The following XPNPEP3 variants were observed in gnomAD, a reference collection of about 807,000 sequenced individuals.
XPNPEP3 encodes the protein X-prolyl aminopeptidase 3.
XPNPEP3 carries 41 observed loss-of-function variants against 60.0 expected under a neutral mutation model. The observed-to-expected ratio is 0.68, with a 90% CI of 0.53 to 0.89. The LOEUF (loss-of-function observed/expected upper bound fraction) is 0.89. Ranked by LOEUF, XPNPEP3 falls within the 40% of genes least tolerant of loss-of-function variation. The pLI is 0.00. For missense variants in XPNPEP3, 598 were observed against 638.9 expected (o/e 0.94, Z 0.69); for synonymous variants, 212 against 223.2 (o/e 0.95, Z 0.45).
rs532699453 is a variant in XPNPEP3, at chr22:40,866,488, C to CT, written c.65-2510dup. On this transcript the variant is annotated intron_variant, in intron 1 of 9. Transcript: ENST00000357137. Reference sequence around the variant, plus strand: ...ATAAGCAGGCAGTGTCCACTTTAGACTAAGAGAACTATATTTTTTAATGCA... The same window carrying CT: ...ATAAGCAGGCAGTGTCCACTTTAGACTTAAGAGAACTATATTTTTTAATGCA... Among the ~76,000 whole-genome samples the CT allele has an allele frequency of 1.2e-3, 189 of 152,118 alleles. 2 individuals are homozygous for CT. The highest frequency in any genetic ancestry group is 4.5e-3 in the African/African-American group (186 of 41,484).
At chr22:40,886,751 C>T (rs948463417) in intron 4 of XPNPEP3, among the ~76,000 whole-genome samples, 1 of 147,190 alleles carries the variant, frequency 6.8e-6, no homozygotes, top group African/African-American at 2.5e-5. Flanking sequence ...GGTGTGAACC[C>T]GGGAGGCAGA....
chr22:40,910,234 C>T (rs2058172309), intron 6 of XPNPEP3, among the ~76,000 whole-genome samples: 1 of 152,134 alleles, frequency 6.6e-6, no homozygotes, highest in African/African-American at 2.4e-5. Context: ...TCCCATCCCA[C>T]TTCCTCCCTC....
intron 1 of XPNPEP3, chr22:40,861,907 A>C: frequency 6.2e-7 from 1 of 1,613,872 alleles, no homozygotes. Context: ...TCAGGGTGCC[A>C]TTTAAGTGCC....
chr22:40,869,083 G>A lies in XPNPEP3; in HGVS notation c.149G>A (p.Ser50Asn), dbSNP rs748610440. 14 of 1,614,014 alleles carry A rather than the reference G, an allele frequency of 8.7e-6. No individual in the cohort carries two copies. In the South Asian group the frequency reaches 1.5e-4, roughly 18 times the overall value. The change falls in exon 2 of 10, where the codon AGC (serine) becomes AAC (asparagine). Residue 50 changes from serine (S) to asparagine (N), a missense_variant. Physicochemically the swap from Ser to Asn is conservative, Grantham distance 46. Transcript: ENST00000357137. Reference protein sequence around the residue: ...RIPNRYLGQPSPFTHPHLLRP... With the variant: ...RIPNRYLGQPNPFTHPHLLRP... ...CCAAACCGATACTTAGGCCAGCCCA[G>A]CCCCTTTACACACCCACACCTCCTC...
intron 2 of XPNPEP3, among the ~76,000 whole-genome samples, chr22:40,881,310 A>C (rs2058047203): frequency 6.6e-6 from 1 of 151,552 alleles, no homozygotes; most frequent in Admixed American, 6.6e-5. Flanking sequence ...TGGCCTCCCA[A>C]AGTGCTGGGA....
intron 1 of XPNPEP3, chr22:40,861,978 T>G: frequency 6.3e-7 from 1 of 1,596,954 alleles, no homozygotes. Flanking sequence ...TCCTAGAACT[T>G]CATAGTAATC....
intron 2 of XPNPEP3, among the ~76,000 whole-genome samples, chr22:40,876,587 C>A (rs934741380): frequency 6.6e-6 from 1 of 152,166 alleles, no homozygotes; most frequent in Admixed American, 6.5e-5. Context: ...TTCCAACTCA[C>A]AAAAACCTAA....
chr22:40,857,355 C>A, intron 1 of XPNPEP3, 110 bp downstream of exon 1: 1 of 1,206,926 alleles, frequency 8.3e-7, no homozygotes, highest in South Asian at 1.3e-5. Context: ...GGCCTCCGCT[C>A]CCCAACCCTC....
intron 3 of XPNPEP3, 123 bp from the exon 4 acceptor site, chr22:40,886,190 C>G: frequency 1.1e-6 from 1 of 943,612 alleles, no homozygotes; most frequent in Non-Finnish European, 1.7e-6. Context: ...TAAGTCTCAA[C>G]ACTTTAGAGT....
At chr22:40,915,059 T>TTG (rs1555891264) in intron 7 of XPNPEP3, among the ~76,000 whole-genome samples, 1 of 149,022 alleles carries the variant, frequency 6.7e-6, no homozygotes, top group Non-Finnish European at 1.5e-5. Context: ...TCTTTTTTTT[T>TTG]TTTTTTTTTT....
At chr22:40,905,086 AT>A (rs1168022719) in intron 4 of XPNPEP3, among the ~76,000 whole-genome samples, 11 of 115,334 alleles carry the variant, frequency 9.5e-5, no homozygotes, top group Admixed American at 1.7e-4. Context: ...TTTTTTTTTA[AT>A]TTTTTTTTTG....
rs1443668004 is a variant in XPNPEP3 at position 40,917,304 on chromosome 22, A to T, written c.1055+2980A>T. On this transcript the variant is annotated intron_variant, in intron 7 of 9. Coordinates refer to ENST00000357137, the MANE Select transcript of XPNPEP3 (RefSeq NM_022098.4). ...AGAAACAGAGCAGGTCACAACTCTCATACTGATCAGTAATGGGAACAAGCT... is the reference window on the plus strand; with the variant it reads ...AGAAACAGAGCAGGTCACAACTCTCTTACTGATCAGTAATGGGAACAAGCT... 1.3e-5 allele frequency: 2 copies of T among 152,122 alleles called. 1 individual carries two copies. Among genetic ancestry groups the T allele is most frequent in the East Asian group, 3.9e-4 (2 of 5,190 alleles). The allele number at this position is 152,122 out of a possible 1,614,324, so 9.4% of individuals were successfully genotyped here.
chr22:40,898,225 A>ATTTTTTTTTTTTTTTTTTTTTTTT (rs71200626), intron 4 of XPNPEP3, among the ~76,000 whole-genome samples: 1 of 28,784 alleles, frequency 3.5e-5, no homozygotes, highest in Non-Finnish European at 6.2e-5. Context: ...TCTTTGACCC[A>ATTTTTTTTTTTTTTTTTTTTTTTT]TTTTTTTTTT....
intron 2 of XPNPEP3, 107 bp from the exon 3 acceptor site, chr22:40,881,663 G>A: frequency 7.6e-7 from 1 of 1,307,560 alleles, no homozygotes. Context: ...AGGAGATTTG[G>A]CATAAATTGA....
In XPNPEP3 at chr22:40,905,692, A is replaced by C. The variant is rs149088474; in HGVS notation, c.793-1895A>C. ...ATTTGAGGAAAGATTTGAATGAAGA[A>C]AGGGAGCAAACCATGTAAATATTCC... is the stretch of plus-strand genomic sequence containing the variant. On this transcript the variant is annotated intron_variant, in intron 4 of 9. Coordinates refer to ENST00000357137, the MANE Select transcript of XPNPEP3 (RefSeq NM_022098.4). 2.3e-3 allele frequency among the ~76,000 whole-genome samples: 357 copies of C among 152,312 alleles called. 1 individual carries two copies. The highest frequency in any genetic ancestry group is 0.018 in the South Asian group (87 of 4,828).
In XPNPEP3 at chr22:40,932,517, GGTTGTGCTGCT is replaced by G. The variant is rs2058258335; in HGVS notation, c.*6086_*6096del. 1 of 152,114 alleles carries G rather than the reference GGTTGTGCTGCT, an allele frequency of 6.6e-6. No homozygotes were observed. Among genetic ancestry groups the G allele is most frequent in the African/African-American group, 2.4e-5 (1 of 41,418 alleles). The allele number at this position is 152,114 out of a possible 1,614,324, so 9.4% of individuals were successfully genotyped here. A position where few individuals can be genotyped will look rare whatever the true frequency, so the allele number is the denominator to read the frequency against. ...TGTTACAAACCACATGGGTTCTCCT[GGTTGTGCTGCT>G]GTTCTCTACCTGTGTGTCACTGAGT... is the stretch of plus-strand genomic sequence containing the variant. On this transcript the variant is annotated 3_prime_UTR_variant, in exon 10 of 10. Coordinates refer to ENST00000357137, the MANE Select transcript of XPNPEP3 (RefSeq NM_022098.4).
chr22:40,895,342 C>CTT (rs67052516), intron 4 of XPNPEP3, among the ~76,000 whole-genome samples: 29 of 145,852 alleles, frequency 2.0e-4, no homozygotes, highest in African/African-American at 5.0e-4. Context: ...CTTTTCTTTT[C>CTT]TTTTTTTTTT....
chr22:40,895,189 C>T (rs1322062312), intron 4 of XPNPEP3, among the ~76,000 whole-genome samples: 2 of 152,152 alleles, frequency 1.3e-5, no homozygotes, highest in Admixed American at 1.3e-4. Flanking sequence ...AGACTACTTG[C>T]TCATGAATCT....
At chr22:40,870,502 T>A (rs2057999824) in intron 2 of XPNPEP3, among the ~76,000 whole-genome samples, 1 of 152,084 alleles carries the variant, frequency 6.6e-6, no homozygotes, top group African/African-American at 2.4e-5. Context: ...AGACGTGGGA[T>A]TTTGGACATT....
Sources: gnomAD v4.1 joint callset for allele counts (sites outside exome capture counted in the v4.1 genomes callset) on GRCh38, gnomAD v4.1.1 for gene constraint, MANE v1.5 for transcripts, NCBI Gene and HGNC (gene_info 2026-07-23, HGNC 2026-07-21) for gene names.